Variants in DNAH6 observed in about 807,000 individuals in gnomAD.
DNAH6 encodes axonemal beta dynein heavy chain 6.
A neutral mutation model predicts 491.4 loss-of-function variants in DNAH6; 340 were observed. The observed-to-expected ratio is 0.69, with a 90% CI of 0.63 to 0.76. DNAH6 has a LOEUF of 0.76. Ranked by LOEUF, DNAH6 falls within the 30% of genes least tolerant of loss-of-function variation. DNAH6 has a pLI of 0.00. For missense variants in DNAH6, 4,443 were observed against 4,972.2 expected (o/e 0.89, Z 3.20); for synonymous variants, 1,603 against 1,686.1 (o/e 0.95, Z 1.21).
chr2:84,743,888 C>T (rs532632359), intron 62 of DNAH6, among the ~76,000 whole-genome samples: 2 of 152,176 alleles, frequency 1.3e-5, no homozygotes, highest in South Asian at 2.1e-4. Context: ...ACATTATTTT[C>T]TCCCATCATT....
At position 84,819,295 on chromosome 2, in the gene DNAH6, C is replaced by A. The variant is rs114489034; in HGVS notation, c.12374-10C>A. 773 of 1,530,056 alleles carry A rather than the reference C, an allele frequency of 5.1e-4. 2 individuals carry two copies. The African/African-American group carries it at 9.8e-3, about 19-fold the overall frequency. 94.8% of individuals were successfully genotyped at this position (1,530,056 alleles called of 1,614,324 possible). A position where few individuals can be genotyped will look rare whatever the true frequency, so the allele number is the denominator to read the frequency against. On this transcript the variant is annotated splice_polypyrimidine_tract_variant and intron_variant, in intron 76 of 76. Transcript: ENST00000389394. ...AAGTAACAACCTTTTTTTCCTATAT[C>A]CTTAATTAGGACATTCAACCAATTT... is the stretch of plus-strand genomic sequence containing the variant.
intron 37 of DNAH6, among the ~76,000 whole-genome samples, chr2:84,666,997 A>C (rs1692194302): frequency 6.6e-6 from 1 of 152,232 alleles, no homozygotes; most frequent in African/African-American, 2.4e-5. Flanking sequence ...GAAATGGGGA[A>C]ACAATTCCCT....
At chr2:84,677,200 A>G (rs764376011) in intron 41 of DNAH6, 64 bp downstream of exon 41, 2 of 1,542,212 alleles carry the variant, frequency 1.3e-6, no homozygotes, top group Admixed American at 2.0e-5. Flanking sequence ...CAAGGCTCCC[A>G]CAATCAAAGT....
At chr2:84,747,680 T>C (rs1193637624) in intron 63 of DNAH6, among the ~76,000 whole-genome samples, 1 of 152,170 alleles carries the variant, frequency 6.6e-6, no homozygotes, top group African/African-American at 2.4e-5. Flanking sequence ...GTGTGGGGGC[T>C]CTAACCCCAC....
chr2:84,618,120 A>G (rs1447602179), intron 23 of DNAH6, among the ~76,000 whole-genome samples: 1 of 152,068 alleles, frequency 6.6e-6, no homozygotes, highest in Non-Finnish European at 1.5e-5. Context: ...CACAGAAGCC[A>G]CTCTAAGTGT....
chr2:84,652,574 C>A (rs1690550674), intron 33 of DNAH6, among the ~76,000 whole-genome samples: 1 of 152,000 alleles, frequency 6.6e-6, no homozygotes, highest in East Asian at 1.9e-4. Flanking sequence ...TCACTGTCAA[C>A]TTTTTTTACA....
At chr2:84,717,603 C>T (rs937708543) in intron 58 of DNAH6, among the ~76,000 whole-genome samples, 3 of 152,098 alleles carry the variant, frequency 2.0e-5, no homozygotes, top group East Asian at 3.9e-4. Flanking sequence ...AGATAATCCA[C>T]GTAAAACTCT....
rs143602491 is a variant in DNAH6 at position 84,655,286 on chromosome 2, A to G, written c.5757+504A>G. 6.3e-4 allele frequency among the ~76,000 whole-genome samples: 96 copies of G among 152,298 alleles called. 1 individual carries two copies. The East Asian group carries it at 0.017, about 27-fold the overall frequency. On this transcript the variant is annotated intron_variant, in intron 35 of 76. Transcript: ENST00000389394. ...CAATAGTAGGTGCAAGACCTAAGAC[A>G]CATTCTAACCTCAGAGGTACAATTC...
intron 61 of DNAH6, among the ~76,000 whole-genome samples, chr2:84,732,755 T>A (rs1174716267): frequency 6.6e-6 from 1 of 152,244 alleles, no homozygotes; most frequent in Non-Finnish European, 1.5e-5. Context: ...ATACTTCAAA[T>A]GAATGAATTG....
At chr2:84,803,907 C>T (rs1679173957) in intron 70 of DNAH6, among the ~76,000 whole-genome samples, 1 of 151,810 alleles carries the variant, frequency 6.6e-6, no homozygotes, top group Admixed American at 6.6e-5. Flanking sequence ...TATTCTATTC[C>T]CGAAGTGTAA....
intron 16 of DNAH6, among the ~76,000 whole-genome samples, chr2:84,592,261 C>A (rs1684188158): frequency 6.6e-6 from 1 of 150,952 alleles, no homozygotes; most frequent in African/African-American, 2.4e-5. Context: ...AAAAAAAAAA[C>A]CCAAATTTTT....
chr2:84,716,486 C>T (rs988203993), intron 58 of DNAH6, among the ~76,000 whole-genome samples: 1 of 152,070 alleles, frequency 6.6e-6, no homozygotes, highest in Non-Finnish European at 1.5e-5. Context: ...AAGTCAAGAT[C>T]GTCCTGACTT....
intron 2 of DNAH6, among the ~76,000 whole-genome samples, chr2:84,519,006 C>G (rs1300313081): frequency 6.6e-6 from 1 of 152,126 alleles, no homozygotes; most frequent in Non-Finnish European, 1.5e-5. Context: ...GCTTATACCA[C>G]TGCACTCCAG....
At position 84,726,140 on chromosome 2, in the gene DNAH6, G is replaced by A. The variant is rs1053497441; in HGVS notation, c.9973-1529G>A. ...GGTAGGAAAGGCCTGCACAGCCTCC[G>A]CACAGTATTTCTAGGGAGGAGTGGA... On this transcript the variant is annotated intron_variant, in intron 60 of 76. Coordinates refer to ENST00000389394, the MANE Select transcript of DNAH6 (RefSeq NM_001370.2). 5.6e-4 allele frequency among the ~76,000 whole-genome samples: 85 copies of A among 152,134 alleles called. 1 individual carries two copies. Among genetic ancestry groups the A allele is most frequent in the African/African-American group, 1.9e-3 (77 of 41,428 alleles).
At chr2:84,712,425 G>C (rs1218310794) in intron 56 of DNAH6, among the ~76,000 whole-genome samples, 2 of 152,092 alleles carry the variant, frequency 1.3e-5, no homozygotes, top group African/African-American at 4.8e-5. Flanking sequence ...TGGGATCCCT[G>C]GGCAATGTCT....
chr2:84,730,896 C>T lies in DNAH6; in HGVS notation c.10207-2548C>T, dbSNP rs866519369. On this transcript the variant is annotated intron_variant, in intron 61 of 76. Transcript: ENST00000389394. ...ATTTATAAATGCCTATGAACGTTAACTAATCTAAGAGTCTTTGAGGGATTT... is the reference window on the plus strand; with the variant it reads ...ATTTATAAATGCCTATGAACGTTAATTAATCTAAGAGTCTTTGAGGGATTT... Among the ~76,000 whole-genome samples the T allele has an allele frequency of 1.8e-4, 27 of 152,234 alleles. No homozygotes were observed. In the South Asian group the frequency reaches 1.9e-3, roughly 11 times the overall value.
intron 60 of DNAH6, among the ~76,000 whole-genome samples, chr2:84,724,880 G>A (rs1217527909): frequency 6.6e-6 from 1 of 152,198 alleles, no homozygotes; most frequent in African/African-American, 2.4e-5. Flanking sequence ...CAGTCTGTTG[G>A]TCAATCAAAT....
At chr2:84,803,781 A>AAATTGAT (rs1397939446) in intron 70 of DNAH6, among the ~76,000 whole-genome samples, 47 of 152,334 alleles carry the variant, frequency 3.1e-4, no homozygotes, top group Admixed American at 2.5e-3. Context: ...TTGGAAATAT[A>AAATTGAT]AATTGATACA....
intron 70 of DNAH6, among the ~76,000 whole-genome samples, chr2:84,800,837 G>T (rs1362661500): frequency 6.6e-6 from 1 of 151,958 alleles, no homozygotes; most frequent in Non-Finnish European, 1.5e-5. Context: ...CAAAGACTTG[G>T]AACCAACCCA....
Sources: allele counts gnomAD v4.1 joint callset (sites outside exome capture counted in the v4.1 genomes callset), GRCh38; gene constraint gnomAD v4.1.1; transcripts MANE v1.5; gene names NCBI Gene and HGNC (gene_info 2026-07-23, HGNC 2026-07-21).